TMC2: variants seen among roughly 807,000 people sequenced by gnomAD.
The protein encoded by TMC2 is transmembrane channel-like protein 2.
Under a neutral mutation model 105.9 loss-of-function variants are expected in TMC2, and 102 were observed. That is an observed-to-expected ratio of 0.96 (90% CI 0.82 to 1.14). The LOEUF is 1.14. Among genes scored for constraint, TMC2 ranks in the 50% most tolerant of loss-of-function variants. The pLI is 0.00. For missense variants in TMC2, 1,093 were observed against 1,134.3 expected, an observed-to-expected ratio of 0.96 and a Z score of 0.52; for synonymous variants, 402 against 422.8, an observed-to-expected ratio of 0.95 and a Z score of 0.60.
chr20:2,571,228 G>T (rs1377964525), intron 4 of TMC2, among the ~76,000 whole-genome samples: 2 of 152,096 alleles, frequency 1.3e-5, no homozygotes, highest in Non-Finnish European at 2.9e-5. Flanking sequence ...ACAGAATGGA[G>T]AAAATATTCT....
chr20:2,610,418 G>A lies in TMC2; in HGVS notation c.1414-1G>A. ...CAACGTAGGCTTTCCTGATTCCTCA[G>A]GTAGAGATCGTGATGTCCCTGCTTG... is the stretch of plus-strand genomic sequence containing the variant. On this transcript the variant is annotated splice_acceptor_variant, in intron 11 of 19. Coordinates refer to ENST00000358864, the MANE Select transcript of TMC2 (RefSeq NM_080751.3). LOFTEE classifies it high-confidence loss of function. 1 of 1,610,198 alleles carries A rather than the reference G, an allele frequency of 6.2e-7. No individual in the cohort carries two copies. Among genetic ancestry groups the A allele is most frequent in the Non-Finnish European group, 8.5e-7 (1 of 1,177,842 alleles).
chr20:2,600,365 C>G (rs1022476697), intron 10 of TMC2, among the ~76,000 whole-genome samples: 14 of 152,288 alleles, frequency 9.2e-5, no homozygotes, highest in African/African-American at 3.4e-4. Context: ...TTTTTATATA[C>G]TAACAGAAAA....
chr20:2,618,600 C>T (rs1464124086), intron 16 of TMC2, among the ~76,000 whole-genome samples: 1 of 152,176 alleles, frequency 6.6e-6, no homozygotes, highest in African/African-American at 2.4e-5. Flanking sequence ...GGGTTCAATA[C>T]ATAAGTCAAG....
At chr20:2,637,912 T>C (rs2086660471) in intron 19 of TMC2, among the ~76,000 whole-genome samples, 2 of 152,168 alleles carry the variant, frequency 1.3e-5, no homozygotes, top group Non-Finnish European at 2.9e-5. Flanking sequence ...GCATCTACAA[T>C]GGTGGCCCCA....
At chr20:2,563,789 C>G (rs1052011135) in intron 4 of TMC2, among the ~76,000 whole-genome samples, 1 of 152,200 alleles carries the variant, frequency 6.6e-6, no homozygotes, top group Non-Finnish European at 1.5e-5. Flanking sequence ...GTCCAGTCCA[C>G]CATTTTAACT....
chr20:2,631,262 C>T (rs1411132130), intron 17 of TMC2, among the ~76,000 whole-genome samples: 1 of 152,226 alleles, frequency 6.6e-6, no homozygotes. Context: ...CATCTTTATA[C>T]ATTTTATGCC....
chr20:2,602,224 T>G lies in TMC2; in HGVS notation c.1336T>G (p.Tyr446Asp). 6.2e-7 allele frequency: 1 copy of G among 1,613,698 alleles called. No individual in the cohort carries two copies. The highest frequency in any genetic ancestry group is 8.5e-7 in the Non-Finnish European group (1 of 1,179,842). ...CATCTGCTGTTTGTGTGGAAGTGGGTACCTCATTTACTTTGTGGTTAAGCG... is the reference window on the plus strand; with the variant it reads ...CATCTGCTGTTTGTGTGGAAGTGGGGACCTCATTTACTTTGTGGTTAAGCG... Reference protein sequence around the residue: ...LIICCLCGSGYLIYFVVKRSQ... With the variant: ...LIICCLCGSGDLIYFVVKRSQ... The change falls in exon 11 of 20, where the codon TAC (tyrosine) becomes GAC (aspartate). Residue 446 changes from tyrosine to aspartate, a missense_variant. Transcript: ENST00000358864.
At chr20:2,627,948 A>G (rs1185393559) in intron 17 of TMC2, among the ~76,000 whole-genome samples, 4 of 152,128 alleles carry the variant, frequency 2.6e-5, no homozygotes, top group African/African-American at 9.7e-5. Context: ...TGGGCAGATC[A>G]CCTGAGGTCA....
chr20:2,572,742 G>A (rs2086112923), intron 5 of TMC2, among the ~76,000 whole-genome samples: 1 of 152,080 alleles, frequency 6.6e-6, no homozygotes, highest in Admixed American at 6.5e-5. Context: ...GATATTTAAA[G>A]TGAGACTTAC....
chr20:2,586,771 G>A (rs540010387), intron 7 of TMC2, among the ~76,000 whole-genome samples: 12 of 150,482 alleles, frequency 8.0e-5, no homozygotes, highest in Non-Finnish European at 1.6e-4. Context: ...ATTTCAACAT[G>A]AGAGTTGGAA....
intron 11 of TMC2, among the ~76,000 whole-genome samples, chr20:2,610,090 C>A (rs2086423699): frequency 6.6e-6 from 1 of 152,230 alleles, no homozygotes; most frequent in South Asian, 2.1e-4. Context: ...ACCTCATGAT[C>A]TGCCTGCCTC....
In TMC2 at chr20:2,536,644, T is replaced by C. The variant is rs762961310; in HGVS notation, c.23T>C (p.Leu8Pro). 1 of 1,575,940 alleles carries C rather than the reference T, an allele frequency of 6.3e-7. No homozygotes were observed. The highest frequency in any genetic ancestry group is 1.7e-4 in the Middle Eastern group (1 of 6,028). Residue 8 changes from leucine to proline, a missense_variant, in exon 1 of 20, where the codon CTG becomes CCG. Leu to Pro is a moderately conservative substitution (Grantham distance 98, BLOSUM62 -3). Transcript: ENST00000358864. MSHQVKG[L>P]KEEARGGVKG... Reference sequence around the variant, plus strand: ...ACCATGAGCCACCAGGTAAAGGGCCTGAAAGAGGAAGGTGAGTCCACGTCC... The same window carrying C: ...ACCATGAGCCACCAGGTAAAGGGCCCGAAAGAGGAAGGTGAGTCCACGTCC...
intron 2 of TMC2, among the ~76,000 whole-genome samples, chr20:2,545,819 G>GAAAGAA (rs541537119): frequency 5.8e-4 from 36 of 62,032 alleles, no homozygotes; most frequent in South Asian, 4.3e-3. Flanking sequence ...AGAAGAGGAA[G>GAAAGAA]AGGAAGAAAG....
At position 2,612,076 on chromosome 20, in the gene TMC2, G is replaced by A. The variant is rs560742725; in HGVS notation, c.1594-115G>A. 7.5e-6 allele frequency: 8 copies of A among 1,066,310 alleles called. No homozygotes were observed. The East Asian group carries it at 9.9e-5, about 13-fold the overall frequency. The allele number at this position is 1,066,310 out of a possible 1,614,324, so 66.1% of individuals were successfully genotyped here. A position where few individuals can be genotyped will look rare whatever the true frequency, so the allele number is the denominator to read the frequency against. On this transcript the variant is annotated intron_variant, in intron 12 of 19. Coordinates refer to ENST00000358864, the MANE Select transcript of TMC2 (RefSeq NM_080751.3). ...AATTTTGGAAGGACTCTGTCCAGGGGAGAGCAGAAGCTAGATGGTAGGGTT... is the reference window on the plus strand; with the variant it reads ...AATTTTGGAAGGACTCTGTCCAGGGAAGAGCAGAAGCTAGATGGTAGGGTT...
rs549284840 is a variant in TMC2, at chr20:2,642,681, T to C, written c.*1330T>C. 1.3e-5 allele frequency among the ~76,000 whole-genome samples: 2 copies of C among 152,244 alleles called. No individual in the cohort carries two copies. Among genetic ancestry groups the C allele is most frequent in the Admixed American group, 1.3e-4 (2 of 15,292 alleles). ...CTTGATGGCAAGGGCAGAGCCTAGG[T>C]AGGGTGGGAGTCACAGTCCAGGACT... is the stretch of plus-strand genomic sequence containing the variant. On this transcript the variant is annotated 3_prime_UTR_variant, in exon 20 of 20. Transcript: ENST00000358864.
chr20:2,635,284 C>T (rs533351776), intron 17 of TMC2, among the ~76,000 whole-genome samples: 1 of 152,306 alleles, frequency 6.6e-6, no homozygotes, highest in South Asian at 2.1e-4. Flanking sequence ...CTAGGGCACT[C>T]TGAGCAGGAG....
In TMC2 at chr20:2,558,349, C is replaced by T; in HGVS notation, c.83-107C>T. The T allele has an allele frequency of 6.6e-7, 1 of 1,508,944 alleles. No homozygotes were observed. Among genetic ancestry groups the T allele is most frequent in the Non-Finnish European group, 8.9e-7 (1 of 1,127,346 alleles). The allele number at this position is 1,508,944 out of a possible 1,614,324, so 93.5% of individuals were successfully genotyped here. A position where few individuals can be genotyped will look rare whatever the true frequency, so the allele number is the denominator to read the frequency against. ...GTCCTGTTCTGAGCCCCGCAGAGCTCACAAGCTCTCGGAATCATCTTGGAC... is the reference window on the plus strand; with the variant it reads ...GTCCTGTTCTGAGCCCCGCAGAGCTTACAAGCTCTCGGAATCATCTTGGAC... On this transcript the variant is annotated intron_variant, in intron 2 of 19. Coordinates refer to ENST00000358864, the MANE Select transcript of TMC2 (RefSeq NM_080751.3). This position sits in a 1 kb window ranked among gnomAD's most constrained non-coding sequence, Gnocchi z 4.6.
rs548759466 is a variant in TMC2 at position 2,544,050 on chromosome 20, C to T, written c.82+6734C>T. Among the ~76,000 whole-genome samples, 24 of 149,500 alleles carry T rather than the reference C, an allele frequency of 1.6e-4. No homozygotes were observed. In the South Asian group the frequency reaches 4.1e-3, roughly 25 times the overall value. On this transcript the variant is annotated intron_variant, in intron 2 of 19. Transcript: ENST00000358864. ...CCAAGTAGCTGGGACTACAGGCGCT[C>T]GCCACCATGCCTAGCTGATTTTTTT...
At chr20:2,566,658 C>G (rs2086066403) in intron 4 of TMC2, among the ~76,000 whole-genome samples, 1 of 152,050 alleles carries the variant, frequency 6.6e-6, no homozygotes, top group African/African-American at 2.4e-5. Context: ...CAATGAAAAC[C>G]CTGAATGCCA....
Sources: allele counts gnomAD v4.1 joint callset (sites outside exome capture counted in the v4.1 genomes callset), GRCh38; gene constraint gnomAD v4.1.1; non-coding constraint Gnocchi (gnomAD v3.1); transcripts MANE v1.5; gene names NCBI Gene and HGNC (gene_info 2026-07-23, HGNC 2026-07-21).